Variants in OR3A2 observed in about 807,000 individuals in gnomAD.
OR3A2 encodes the protein olfactory receptor family 3 subfamily A member 2, also known as olfactory receptor 3A2.
For synonymous variants in OR3A2, 126 were observed against 159.3 expected, an observed-to-expected ratio of 0.79 and a Z score of 1.57; for missense variants, 318 against 392.8, an observed-to-expected ratio of 0.81 and a Z score of 1.61.
intron 3 of OR3A2, among the ~76,000 whole-genome samples, chr17:3,335,681 CTCATT>C (rs1207040623): frequency 3.9e-5 from 6 of 152,164 alleles, no homozygotes; most frequent in Non-Finnish European, 2.9e-5. Context: ...CATACATTAT[CTCATT>C]TAACTCTTCG....
rs1479950276 is a variant in OR3A2 at position 3,311,396 on chromosome 17, C to A, written c.-85+24637G>T. The A allele has an allele frequency of 2.0e-6, 1 of 506,864 alleles. No individual in the cohort carries two copies. Among genetic ancestry groups the A allele is most frequent in the Non-Finnish European group, 4.1e-6 (1 of 243,438 alleles). The allele number at this position is 506,864 out of a possible 1,614,324, so 31.4% of individuals were successfully genotyped here. ...ATCTGTCAGCTTCTCACCAACAGCA[C>A]TCGCATGAGCTGTGAAGTCCAGGGT... On this transcript the variant is annotated intron_variant, in intron 3 of 4. Coordinates refer to the OR3A2 transcript ENST00000573491. The surrounding 1 kb of genome is among the most constrained non-coding windows in gnomAD (Gnocchi z 4.6).
chr17:3,335,581 C>T (rs886226038), intron 3 of OR3A2, among the ~76,000 whole-genome samples: 4 of 152,118 alleles, frequency 2.6e-5, no homozygotes, highest in African/African-American at 9.7e-5. Flanking sequence ...ATTTTCTATT[C>T]CTAAATCACT....
intron 2 of OR3A2, among the ~76,000 whole-genome samples, chr17:3,362,900 C>T (rs927703160): frequency 6.6e-6 from 1 of 151,868 alleles, no homozygotes; most frequent in Admixed American, 6.5e-5. Flanking sequence ...CTTGGGTTTG[C>T]ACTCTCTGAA....
chr17:3,328,640 T>A (rs1198463862), intron 3 of OR3A2, among the ~76,000 whole-genome samples: 1 of 149,666 alleles, frequency 6.7e-6, no homozygotes, highest in African/African-American at 2.5e-5. Context: ...TGTGCCAGTT[T>A]TCAAAGGGAA....
At chr17:3,306,838 A>C (rs2049004296) in intron 3 of OR3A2, among the ~76,000 whole-genome samples, 2 of 151,766 alleles carry the variant, frequency 1.3e-5, no homozygotes, top group African/African-American at 4.9e-5. Context: ...ATAACTTCAA[A>C]AGACATTGTT....
chr17:3,289,842 G>A (rs1015906155), intron 3 of OR3A2, among the ~76,000 whole-genome samples: 16 of 152,090 alleles, frequency 1.1e-4, no homozygotes, highest in African/African-American at 3.9e-4. Context: ...CACTCTTTGT[G>A]TCCCTGAAGT....
At chr17:3,299,758 G>C (rs1462244237) in intron 3 of OR3A2, among the ~76,000 whole-genome samples, 1 of 152,158 alleles carries the variant, frequency 6.6e-6, no homozygotes, top group Non-Finnish European at 1.5e-5. Context: ...GACTGACGGC[G>C]TGCCTTAGGA....
intron 2 of OR3A2, among the ~76,000 whole-genome samples, chr17:3,375,769 G>T (rs975605443): frequency 3.3e-5 from 5 of 152,158 alleles, no homozygotes; most frequent in African/African-American, 1.2e-4. Flanking sequence ...TGCTCTTCAG[G>T]TTCTTTTGTC....
At chr17:3,286,276 T>C (rs2048811286), upstream of OR3A2, among the ~76,000 whole-genome samples, 1 of 152,218 alleles carries the variant, frequency 6.6e-6, no homozygotes, top group Non-Finnish European at 1.5e-5. Flanking sequence ...TAGTATTCCA[T>C]GGTATATATG....
At chr17:3,315,967 CTT>C (rs772827236) in intron 3 of OR3A2, among the ~76,000 whole-genome samples, 24 of 152,232 alleles carry the variant, frequency 1.6e-4, no homozygotes, top group Admixed American at 1.3e-4. Flanking sequence ...CCAAACAGCT[CTT>C]ATCCTTAAGA....
intron 1 of OR3A2, among the ~76,000 whole-genome samples, chr17:3,282,882 A>G (rs13342211): frequency 0.18 from 27,542 of 152,200 alleles, 3,115 homozygotes; most frequent in African/African-American, 0.3. Context: ...CCCACCTGCA[A>G]TGGTTTCCCT....
chr17:3,309,576 C>T (rs1050399285), intron 3 of OR3A2, among the ~76,000 whole-genome samples: 9 of 152,106 alleles, frequency 5.9e-5, no homozygotes, highest in Admixed American at 2.6e-4. Context: ...ATTTGGTAAA[C>T]GGTCAGTACT....
rs189791714 is a variant in OR3A2 at position 3,345,384 on chromosome 17, A to G, written c.-178-9258T>C. Among the ~76,000 whole-genome samples the G allele has an allele frequency of 1.4e-3, 215 of 151,960 alleles. 1 individual carries two copies. The highest frequency in any genetic ancestry group is 4.9e-3 in the African/African-American group (205 of 41,418). The stretch of plus-strand genomic sequence containing the variant: ...TAATGAAGACAGCCAAAATCATCAG[A>G]GAGAGTACAAGACCAAAAACAAGAG... On this transcript the variant is annotated intron_variant, in intron 2 of 4. Coordinates refer to the OR3A2 transcript ENST00000573491.
exon 2 of OR3A2, chr17:3,277,716 A>G (rs2048747944): frequency 2.3e-6 from 1 of 433,132 alleles, no homozygotes; most frequent in African/African-American, 1.9e-5. Context: ...TGTGAGTTGC[A>G]TGAGTGCAGA....
intron 2 of OR3A2, among the ~76,000 whole-genome samples, chr17:3,380,189 G>A (rs142125645): frequency 2.0e-5 from 3 of 152,298 alleles, no homozygotes; most frequent in South Asian, 4.1e-4. Flanking sequence ...GGCAGAGCTC[G>A]TTAATGCTTG....
Position 3,311,126 on chromosome 17 carries a change from C to T in OR3A2, c.-85+24907G>A, listed in dbSNP as rs1369200199. 5 of 541,236 alleles carry T rather than the reference C, an allele frequency of 9.2e-6. No individual in the cohort carries two copies. The allele number at this position is 541,236 out of a possible 1,614,324, so 33.5% of individuals were successfully genotyped here. ...GGCTGGGTTCAGTGGAGTCTTCGGA[C>T]AAGGACAAGGGCATTGGCATCCTCA... On this transcript the variant is annotated intron_variant, in intron 3 of 4. Coordinates refer to the OR3A2 transcript ENST00000573491. The surrounding 1 kb of genome is among the most constrained non-coding windows in gnomAD (Gnocchi z 4.6).
intron 3 of OR3A2, among the ~76,000 whole-genome samples, chr17:3,299,831 A>G (rs1048689198): frequency 1.8e-4 from 28 of 152,186 alleles, no homozygotes; most frequent in Non-Finnish European, 2.9e-4. Context: ...AATATTTCCA[A>G]CCACAGAGGG....
At chr17:3,279,710 C>T (rs529138806) in intron 1 of OR3A2, among the ~76,000 whole-genome samples, 1 of 152,294 alleles carries the variant, frequency 6.6e-6, no homozygotes, top group South Asian at 2.1e-4. Context: ...ATCGCTTGAA[C>T]CCGAGACGTG....
At chr17:3,279,014 C>T (rs1442062842) in intron 1 of OR3A2, 62 bp downstream of exon 4, 3 of 1,548,704 alleles carry the variant, frequency 1.9e-6, no homozygotes, top group South Asian at 2.5e-5. Context: ...TTCAAAGCCC[C>T]GTGGCGAGTC....
Sources: allele counts gnomAD v4.1 joint callset (sites outside exome capture counted in the v4.1 genomes callset), GRCh38; gene constraint gnomAD v4.1.1; non-coding constraint Gnocchi (gnomAD v3.1); transcripts MANE v1.5; gene names NCBI Gene and HGNC (gene_info 2026-07-23, HGNC 2026-07-21).